The following ASAH1 variants were observed in gnomAD, a reference collection of about 807,000 sequenced individuals.
ASAH1 encodes the protein N-acylsphingosine amidohydrolase 1.
Under a neutral mutation model 59.5 loss-of-function variants are expected in ASAH1, and 70 were observed. The ratio of observed to expected loss-of-function variants is 1.18; its 90% CI spans 0.97 to 1.43. The LOEUF is 1.43. Among genes scored for constraint, ASAH1 ranks in the 40% most tolerant of loss-of-function variants. ASAH1 has a pLI of 0.00. For synonymous variants in ASAH1, 213 were observed against 166.5 expected, an observed-to-expected ratio of 1.28 and a Z score of -2.15; for missense variants, 660 against 482.5, an observed-to-expected ratio of 1.37 and a Z score of -3.45.
intron 1 of ASAH1, 116 bp downstream of exon 1, chr8:18,083,864 TA>T (rs1283977662): frequency 7.9e-5 from 120 of 1,520,536 alleles, no homozygotes; most frequent in Non-Finnish European, 3.5e-6. Flanking sequence ...CAGACCCCCG[TA>T]AAGAAGCTGC....
upstream of ASAH1, chr8:18,084,418 C>G (rs1039145475): frequency 2.9e-5 from 40 of 1,385,392 alleles, no homozygotes; most frequent in South Asian, 5.9e-4. Context: ...CGTGGCGCCT[C>G]GATGGGGCGC....
rs552149937 is a variant in ASAH1, at chr8:18,059,169, A to T, written c.1041+172T>A. On this transcript the variant is annotated intron_variant, in intron 12 of 13. Coordinates refer to ENST00000637790, the MANE Select transcript of ASAH1 (RefSeq NM_177924.5). The stretch of plus-strand genomic sequence containing the variant: ...GAACCAGAAAAGGAAAGTACAGCAC[A>T]ATTTTGCTCTTTAAGTTAAGAAAAC... 3.2e-4 allele frequency: 326 copies of T among 1,009,700 alleles called. 4 individuals are homozygous for T. The South Asian group carries it at 4.0e-3, about 12-fold the overall frequency. 62.5% of individuals were successfully genotyped at this position (1,009,700 alleles called of 1,614,324 possible). A position where few individuals can be genotyped will look rare whatever the true frequency, so the allele number is the denominator to read the frequency against.
rs17515291 is a variant in ASAH1 at position 18,061,477 on chromosome 8, A to C, written c.704-19T>G. The C allele has an allele frequency of 2.3e-5, 37 of 1,597,340 alleles. No individual in the cohort carries two copies. Among genetic ancestry groups the C allele is most frequent in the Middle Eastern group, 1.6e-4 (1 of 6,066 alleles). On this transcript the variant is annotated intron_variant, in intron 9 of 13. Transcript: ENST00000637790. ...AGAATACCTGGAAGAGATGAACACA[A>C]TGTCAGGAACCGGAAGAGGTGACAC... is the stretch of plus-strand genomic sequence containing the variant.
chr8:18,064,157 C>T (rs2073572), intron 6 of ASAH1: 325,419 of 522,456 alleles, frequency 0.62, 103,087 homozygotes, highest in African/African-American at 0.72. Flanking sequence ...CGAGCACTTC[C>T]ATCAAAGCAT....
chr8:18,079,576 T>A (rs1173292815), intron 1 of ASAH1, among the ~76,000 whole-genome samples: 1 of 152,218 alleles, frequency 6.6e-6, no homozygotes, highest in Non-Finnish European at 1.5e-5. Context: ...TGAAATAATG[T>A]ATGCTTCTAA....
intron 13 of ASAH1, chr8:18,057,918 G>A (rs1799537718): frequency 2.3e-5 from 4 of 170,950 alleles, no homozygotes; most frequent in Non-Finnish European, 1.2e-5. Context: ...CCTTATAGGA[G>A]CTTATTCCTG....
At position 18,061,394 on chromosome 8, in the gene ASAH1, A is replaced by G; in HGVS notation, c.768T>C (p.Val256=). ...VMWIGFLTRT[V]LENSTSYEEA... The stretch of plus-strand genomic sequence containing the variant: ...CACTTTACCTTGTGCTATTTTCCAG[A>G]ACTGTTCTAGTGAGGAACCCTATCC... Residue 256 remains valine, a synonymous_variant, in exon 10 of 14, where the codon GTT becomes GTC. Transcript: ENST00000637790. 1 of 1,612,310 alleles carries G rather than the reference A, an allele frequency of 6.2e-7. No homozygotes were observed. Among genetic ancestry groups the G allele is most frequent in the African/African-American group, 1.3e-5 (1 of 75,040 alleles).
chr8:18,065,961 T>G (rs1425376069), intron 5 of ASAH1: 1 of 151,884 alleles, frequency 6.6e-6, no homozygotes, highest in Non-Finnish European at 1.5e-5. Context: ...TGCAATTTGC[T>G]GAGGAAAGGA....
chr8:18,071,492 A>G lies in ASAH1; in HGVS notation c.126-102T>C, dbSNP rs773384708. 1.2e-5 allele frequency: 10 copies of G among 807,100 alleles called. 1 individual carries two copies. The highest frequency in any genetic ancestry group is 2.0e-5 in the Non-Finnish European group (10 of 495,464). The allele number at this position is 807,100 out of a possible 1,614,324, so 50.0% of individuals were successfully genotyped here. A position where few individuals can be genotyped will look rare whatever the true frequency, so the allele number is the denominator to read the frequency against. On this transcript the variant is annotated intron_variant, in intron 2 of 13. Transcript: ENST00000637790. ...ATATGAGAGGCAAAGTCTTAACAGCAGTGTAGAATTTGGTTACCCAAACCA... is the reference window on the plus strand; with the variant it reads ...ATATGAGAGGCAAAGTCTTAACAGCGGTGTAGAATTTGGTTACCCAAACCA...
upstream of ASAH1, chr8:18,084,653 C>G: frequency 6.2e-7 from 1 of 1,612,910 alleles, no homozygotes; most frequent in Non-Finnish European, 8.5e-7. Context: ...CCACTCGGGT[C>G]CTCCAAGCTG....
chr8:18,072,872 A>G (rs1229174120), intron 2 of ASAH1, among the ~76,000 whole-genome samples: 1 of 152,122 alleles, frequency 6.6e-6, no homozygotes, highest in Non-Finnish European at 1.5e-5. Context: ...ATGAACTCCA[A>G]TCAGCTGCTC....
chr8:18,061,660 A>G (rs1799705265), intron 9 of ASAH1, 26 bp downstream of exon 9: 3 of 1,579,244 alleles, frequency 1.9e-6, no homozygotes, highest in Non-Finnish European at 2.6e-6. Flanking sequence ...TGAGATTCCC[A>G]TTTCACTTGA....
rs749874408 is a variant in ASAH1 at position 18,071,312 on chromosome 8, G to T, written c.204C>A (p.Asp68Glu). The T allele has an allele frequency of 6.3e-7, 1 of 1,588,932 alleles. No homozygotes were observed. The highest frequency in any genetic ancestry group is 8.6e-7 in the Non-Finnish European group (1 of 1,160,070). ...CATCATAGCATACCACTGGTGCCTT[G>T]TCAAGCATCAATTCATGCCATCTTT... ...PYKRWHELML[D>E]KAPVLKVIVN... is the part of the protein sequence containing the mutation. The change falls in exon 3 of 14, where the codon GAC becomes GAA. Residue 68 changes from aspartate to glutamate, a missense_variant. Coordinates refer to ENST00000637790, the MANE Select transcript of ASAH1 (RefSeq NM_177924.5).
intron 8 of ASAH1, 124 bp from the exon 9 acceptor site, chr8:18,061,864 A>C: frequency 1.1e-6 from 1 of 907,158 alleles, no homozygotes; most frequent in Non-Finnish European, 1.8e-6. Flanking sequence ...GCAAAAATAA[A>C]TCAAAACCAT....
intron 6 of ASAH1, chr8:18,063,673 G>C (rs1310167514): frequency 2.4e-5 from 4 of 169,022 alleles, no homozygotes; most frequent in Admixed American, 6.1e-5. Context: ...TAAGAAGTAA[G>C]AAACATCCTA....
Position 18,061,860 on chromosome 8 carries a change from A to G in ASAH1, c.649-120T>C. 4.3e-6 allele frequency: 4 copies of G among 937,082 alleles called. No individual in the cohort carries two copies. The South Asian group carries it at 5.7e-5, about 13-fold the overall frequency. The allele number at this position is 937,082 out of a possible 1,614,324, so 58.0% of individuals were successfully genotyped here. ...AGCTTGGGTAATGGGGAAGGCAAAA[A>G]TAAATCAAAACCATAAAAGGCTTTT... On this transcript the variant is annotated intron_variant, in intron 8 of 13. Coordinates refer to ENST00000637790, the MANE Select transcript of ASAH1 (RefSeq NM_177924.5).
At chr8:18,060,561 A>C (rs1799651609) in intron 10 of ASAH1, 1 of 152,246 alleles carries the variant, frequency 6.6e-6, no homozygotes. Flanking sequence ...TTAAAAATTG[A>C]AGTGGGTTAT....
intron 7 of ASAH1, 131 bp from the exon 8 acceptor site, chr8:18,062,554 T>C (rs1431884261): frequency 6.0e-6 from 6 of 999,518 alleles, no homozygotes; most frequent in Non-Finnish European, 6.1e-6. Flanking sequence ...ACAAGACCTT[T>C]ACAATATGGT....
At chr8:18,062,106 T>C (rs1182887663) in intron 8 of ASAH1, 173 bp downstream of exon 8, 6 of 864,756 alleles carry the variant, frequency 6.9e-6, no homozygotes, top group Non-Finnish European at 1.1e-5. Flanking sequence ...TCCGTTTCCT[T>C]TCTACTCTTC....
Sources: allele counts gnomAD v4.1 joint callset (sites outside exome capture counted in the v4.1 genomes callset), GRCh38; gene constraint gnomAD v4.1.1; transcripts MANE v1.5; gene names NCBI Gene and HGNC (gene_info 2026-07-23, HGNC 2026-07-21).